Variants in CACNB2 observed in about 807,000 individuals in gnomAD.
CACNB2 encodes voltage-dependent L-type calcium channel subunit beta-2.
In CACNB2, 42 loss-of-function variants were observed where a neutral mutation model predicts 73.3. That is an observed-to-expected ratio of 0.57 (90% CI 0.45 to 0.74). The LOEUF is 0.74. Among genes scored for constraint, CACNB2 ranks in the 30% least tolerant of loss-of-function variants. CACNB2 has a pLI of 0.00. For synonymous variants in CACNB2, 348 were observed against 310.3 expected, an observed-to-expected ratio of 1.12 and a Z score of -1.28; for missense variants, 940 against 853.0, an observed-to-expected ratio of 1.10 and a Z score of -1.27.
At chr10:18,178,498 A>G (rs1168444129) in intron 2 of CACNB2, among the ~76,000 whole-genome samples, 1 of 152,234 alleles carries the variant, frequency 6.6e-6, no homozygotes, top group African/African-American at 2.4e-5. Context: ...TCAAGGATCC[A>G]GTTGACCCAC....
intron 3 of CACNB2, among the ~76,000 whole-genome samples, chr10:18,439,168 G>A (rs906783018): frequency 6.6e-6 from 1 of 152,232 alleles, no homozygotes; most frequent in African/African-American, 2.4e-5. Flanking sequence ...AGGATTGGGG[G>A]CTTATATACC....
At chr10:18,273,964 C>T (rs2038166276) in intron 2 of CACNB2, among the ~76,000 whole-genome samples, 1 of 152,088 alleles carries the variant, frequency 6.6e-6, no homozygotes, top group African/African-American at 2.4e-5. Context: ...GTTGGAACCA[C>T]AGGTCTGAAC....
intron 2 of CACNB2, among the ~76,000 whole-genome samples, chr10:18,181,016 G>C (rs956874562): frequency 6.1e-5 from 9 of 148,502 alleles, no homozygotes; most frequent in African/African-American, 2.3e-4. Flanking sequence ...AAATGGAGCA[G>C]AGGCTATTTT....
intron 2 of CACNB2, among the ~76,000 whole-genome samples, chr10:18,353,056 A>G (rs2041774801): frequency 6.6e-6 from 1 of 152,240 alleles, no homozygotes; most frequent in South Asian, 2.1e-4. Flanking sequence ...TATGATTGCT[A>G]TACAATAATG....
chr10:18,342,426 G>C (rs2041269735), intron 2 of CACNB2, among the ~76,000 whole-genome samples: 1 of 152,170 alleles, frequency 6.6e-6, no homozygotes, highest in Non-Finnish European at 1.5e-5. Flanking sequence ...CCAGAAGCTA[G>C]AGACCAGCCT....
chr10:18,471,306 CAGAA>C (rs935262529), intron 3 of CACNB2, among the ~76,000 whole-genome samples: 2 of 152,006 alleles, frequency 1.3e-5, no homozygotes, highest in African/African-American at 4.8e-5. Flanking sequence ...AACTCCATCT[CAGAA>C]AGAAAGAAAG....
chr10:18,514,933 G>C, intron 7 of CACNB2: 12 of 1,322,168 alleles, frequency 9.1e-6, no homozygotes, highest in Non-Finnish European at 1.3e-5. Context: ...AAAAAAAAAA[G>C]TATTCAAGTT....
intron 3 of CACNB2, among the ~76,000 whole-genome samples, chr10:18,493,161 A>G (rs115846890): frequency 1.3e-3 from 197 of 152,228 alleles, no homozygotes; most frequent in African/African-American, 4.6e-3. Context: ...TTATGCGCAA[A>G]TAGTACGCTG....
At chr10:18,312,662 C>T (rs1307502564) in intron 2 of CACNB2, among the ~76,000 whole-genome samples, 1 of 152,174 alleles carries the variant, frequency 6.6e-6, no homozygotes, top group Admixed American at 6.5e-5. Flanking sequence ...CTAATCTGCT[C>T]TTTTCTGTCT....
intron 3 of CACNB2, among the ~76,000 whole-genome samples, chr10:18,430,368 A>G (rs2045826860): frequency 6.6e-6 from 1 of 152,220 alleles, no homozygotes; most frequent in South Asian, 2.1e-4. Context: ...CTCTTTAGTT[A>G]AAATTGCATA....
intron 2 of CACNB2, among the ~76,000 whole-genome samples, chr10:18,331,045 G>C (rs2040781810): frequency 6.6e-6 from 1 of 151,268 alleles, no homozygotes; most frequent in Non-Finnish European, 1.5e-5. Context: ...GAGTGCAATG[G>C]CGCGATCTTG....
chr10:18,243,181 ATCT>A (rs1048687077), intron 2 of CACNB2, among the ~76,000 whole-genome samples: 6 of 152,156 alleles, frequency 3.9e-5, no homozygotes, highest in African/African-American at 1.4e-4. Flanking sequence ...CTATTTTAGA[ATCT>A]ACAGGACTAG....
At chr10:18,238,601 G>A (rs905362502) in intron 2 of CACNB2, 31 of 152,242 alleles carry the variant, frequency 2.0e-4, no homozygotes, top group East Asian at 7.7e-4. Context: ...AATCTTTTGA[G>A]CTTCTAAGTT....
At chr10:18,187,914 C>G (rs183533495) in intron 2 of CACNB2, among the ~76,000 whole-genome samples, 2 of 152,202 alleles carry the variant, frequency 1.3e-5, no homozygotes, top group Admixed American at 1.3e-4. Flanking sequence ...GTGGAGAAGT[C>G]TTAAATGAAG....
At chr10:18,147,586 C>T (rs10734038) in intron 1 of CACNB2, among the ~76,000 whole-genome samples, 72,124 of 151,946 alleles carry the variant, frequency 0.47, 17,281 homozygotes, top group East Asian at 0.59. Flanking sequence ...ACAACCTGGG[C>T]TGCACTAATG....
chr10:18,269,007 TG>T (rs2037933524), intron 2 of CACNB2, among the ~76,000 whole-genome samples: 1 of 151,930 alleles, frequency 6.6e-6, no homozygotes, highest in Non-Finnish European at 1.5e-5. Flanking sequence ...CTGGCCTTCA[TG>T]AGATGTTATA....
intron 2 of CACNB2, among the ~76,000 whole-genome samples, chr10:18,334,399 TCTC>T (rs975355659): frequency 1.3e-5 from 2 of 152,122 alleles, no homozygotes; most frequent in African/African-American, 4.8e-5. Context: ...GTCTGGTTTT[TCTC>T]CTCCTGCATT....
chr10:18,408,906 G>T (rs1303819098), intron 3 of CACNB2, among the ~76,000 whole-genome samples: 1 of 152,148 alleles, frequency 6.6e-6, no homozygotes, highest in Non-Finnish European at 1.5e-5. Flanking sequence ...GGCTGGAGTT[G>T]CAGTGGCATG....
chr10:18,211,810 C>G (rs1327391797), intron 2 of CACNB2, among the ~76,000 whole-genome samples: 1 of 151,930 alleles, frequency 6.6e-6, no homozygotes, highest in Admixed American at 6.6e-5. Context: ...GGCGTGAATG[C>G]GACACAATTC....
Sources: gnomAD v4.1 joint callset for allele counts (sites outside exome capture counted in the v4.1 genomes callset) on GRCh38, gnomAD v4.1.1 for gene constraint, MANE v1.5 for transcripts, NCBI Gene and HGNC (gene_info 2026-07-23, HGNC 2026-07-21) for gene names.